The following PRKAG2 variants were observed in gnomAD, a reference collection of about 807,000 sequenced individuals.
The protein encoded by PRKAG2 is protein kinase AMP-activated non-catalytic subunit gamma 2, also known as 5'-AMP-activated protein kinase subunit gamma-2.
PRKAG2 carries 26 observed loss-of-function variants against 69.6 expected under a neutral mutation model. That is an observed-to-expected ratio of 0.37 (90% confidence interval 0.27 to 0.52). The LOEUF is 0.52. Among genes scored for constraint, PRKAG2 ranks in the 20% least tolerant of loss-of-function variants. The probability of loss-of-function intolerance (pLI) is 0.90; values close to 1 mark genes in which losing one functional copy is unlikely to be tolerated. For missense variants in PRKAG2, 557 were observed against 740.0 expected (o/e 0.75, Z 2.87); for synonymous variants, 293 against 285.0 (o/e 1.03, Z -0.28).
intron 1 of PRKAG2, among the ~76,000 whole-genome samples, chr7:151,845,167 C>T (rs769275668): frequency 6.6e-5 from 10 of 151,946 alleles, no homozygotes; most frequent in Non-Finnish European, 1.2e-4. Context: ...CTCCTGGCAG[C>T]GACAAAAATG....
At chr7:151,868,653 T>TGGTC (rs1412321624) in intron 1 of PRKAG2, among the ~76,000 whole-genome samples, 1 of 152,224 alleles carries the variant, frequency 6.6e-6, no homozygotes, top group Non-Finnish European at 1.5e-5. Flanking sequence ...TCACGTTCAT[T>TGGTC]GGTCCCATTT....
intron 6 of PRKAG2, among the ~76,000 whole-genome samples, chr7:151,589,937 A>G (rs1481099314): frequency 1.3e-5 from 2 of 152,120 alleles, no homozygotes; most frequent in Non-Finnish European, 2.9e-5. Flanking sequence ...CCTGTCTTTA[A>G]AAAAAAGAAG....
rs1406503999 is a variant in PRKAG2 at position 151,874,473 on chromosome 7, TG to T, written c.114+2033del. Among the ~76,000 whole-genome samples the T allele has an allele frequency of 2.7e-3, 53 of 19,334 alleles. 1 individual carries two copies. The highest frequency in any genetic ancestry group is 6.1e-3 in the Non-Finnish European group (35 of 5,706). The allele number at this position is 19,334 out of a possible 152,430, so 12.7% of individuals were successfully genotyped here. On this transcript the variant is annotated intron_variant, in intron 1 of 15. Transcript: ENST00000287878. ...TATATGATGTATATGTATATGTATA[TG>T]ATGTATATGTATATGATGTATATGT...
intron 5 of PRKAG2, among the ~76,000 whole-genome samples, chr7:151,598,046 A>G (rs939480068): frequency 6.6e-6 from 1 of 152,218 alleles, no homozygotes; most frequent in Non-Finnish European, 1.5e-5. Context: ...CAGCCAAGAC[A>G]TGGAATCCAC....
rs768561838 is a variant in PRKAG2 at position 151,699,771 on chromosome 7, G to A, written c.467-24134C>T. On this transcript the variant is annotated intron_variant, in intron 3 of 15. Transcript: ENST00000287878. This position sits in a 1 kb window ranked among gnomAD's most constrained non-coding sequence, Gnocchi z 4.5. ...TTTCATCAATCATTGAAAGCAGGAC[G>A]AGGAGGCTGGGACACAGCAAGGTGC... Among the ~76,000 whole-genome samples, 3 of 152,168 alleles carry A rather than the reference G, an allele frequency of 2.0e-5. No homozygotes were observed. The highest frequency in any genetic ancestry group is 2.9e-5 in the Non-Finnish European group (2 of 68,036).
At position 151,834,442 on chromosome 7, in the gene PRKAG2, G is replaced by A. The variant is rs542233080; in HGVS notation, c.114+42065C>T. On this transcript the variant is annotated intron_variant, in intron 1 of 15. Coordinates refer to ENST00000287878, the MANE Select transcript of PRKAG2 (RefSeq NM_016203.4). ...GGGGAGGTGCAGGGTTAGCTTCCTGGGAGCCTCTGGCCACGTTTTTGTCAA... is the reference window on the plus strand; with the variant it reads ...GGGGAGGTGCAGGGTTAGCTTCCTGAGAGCCTCTGGCCACGTTTTTGTCAA... Among the ~76,000 whole-genome samples the A allele has an allele frequency of 2.0e-5, 3 of 152,330 alleles. No homozygotes were observed. The East Asian group carries it at 5.8e-4, about 29-fold the overall frequency.
intron 3 of PRKAG2, among the ~76,000 whole-genome samples, chr7:151,685,649 GC>G (rs1834607017): frequency 6.6e-6 from 1 of 151,898 alleles, no homozygotes; most frequent in South Asian, 2.1e-4. Flanking sequence ...TGTGCCCTTG[GC>G]CCCAGCTACT....
At position 151,664,616 on chromosome 7, in the gene PRKAG2, T is replaced by C. The variant is rs563476992; in HGVS notation, c.684+10804A>G. Among the ~76,000 whole-genome samples, 6 of 152,358 alleles carry C rather than the reference T, an allele frequency of 3.9e-5. No homozygotes were observed. The South Asian group carries it at 1.2e-3, about 32-fold the overall frequency. ...GAAATTGGTGACAGTTTTATCATGA[T>C]GGTTTCTTAGACAAGAAATACACAT... On this transcript the variant is annotated intron_variant, in intron 4 of 15. Transcript: ENST00000287878.
At chr7:151,651,480 G>T (rs997109904) in intron 4 of PRKAG2, among the ~76,000 whole-genome samples, 1 of 152,162 alleles carries the variant, frequency 6.6e-6, no homozygotes, top group African/African-American at 2.4e-5. Flanking sequence ...GGTGGCGAGT[G>T]CCTGTAATCC....
intron 6 of PRKAG2, among the ~76,000 whole-genome samples, chr7:151,594,351 C>T (rs1215710710): frequency 2.0e-5 from 3 of 152,230 alleles, no homozygotes; most frequent in Non-Finnish European, 4.4e-5. Flanking sequence ...AGAAACAATA[C>T]ACTAAATGTA....
intron 1 of PRKAG2, among the ~76,000 whole-genome samples, chr7:151,826,182 T>TG (rs371814993): frequency 2.2e-4 from 34 of 151,302 alleles, no homozygotes; most frequent in African/African-American, 8.0e-4. Flanking sequence ...CACTTTTTTT[T>TG]TTGTTGTTGT....
intron 1 of PRKAG2, among the ~76,000 whole-genome samples, chr7:151,870,713 G>A (rs1274611787): frequency 6.6e-6 from 1 of 152,226 alleles, no homozygotes; most frequent in Non-Finnish European, 1.5e-5. Context: ...AGGCTATGGG[G>A]CAGGAGCTGG....
intron 1 of PRKAG2, among the ~76,000 whole-genome samples, chr7:151,874,015 T>G (rs1454033446): frequency 7.0e-6 from 1 of 143,186 alleles, no homozygotes; most frequent in African/African-American, 2.7e-5. Context: ...TGTATAAGTA[T>G]ATGTATATGA....
At chr7:151,758,805 TA>T (rs2075250840) in intron 3 of PRKAG2, among the ~76,000 whole-genome samples, 1 of 152,200 alleles carries the variant, frequency 6.6e-6, no homozygotes, top group Admixed American at 6.5e-5. Context: ...CAAAGAGACT[TA>T]AAATAACAGC....
At chr7:151,641,867 G>GA (rs755525113) in intron 4 of PRKAG2, among the ~76,000 whole-genome samples, 3 of 151,588 alleles carry the variant, frequency 2.0e-5, no homozygotes, top group Non-Finnish European at 4.4e-5. Context: ...GTAGAAATTT[G>GA]AAAAAAATCT....
intron 15 of PRKAG2, chr7:151,559,746 T>C: frequency 1.0e-6 from 1 of 985,414 alleles, no homozygotes; most frequent in Non-Finnish European, 1.2e-6. Context: ...TTCTGAGAGT[T>C]CAAAGGGCAT....
At chr7:151,706,723 C>T (rs12534878) in intron 3 of PRKAG2, among the ~76,000 whole-genome samples, 50,449 of 152,200 alleles carry the variant, frequency 0.33, 8,830 homozygotes, top group African/African-American at 0.43. Context: ...CCAGACTAGG[C>T]GTTAGCTGTG....
intron 1 of PRKAG2, among the ~76,000 whole-genome samples, chr7:151,786,754 G>A (rs2077031612): frequency 6.6e-6 from 1 of 152,188 alleles, no homozygotes; most frequent in Non-Finnish European, 1.5e-5. Flanking sequence ...AAACTTCCAG[G>A]AGCAGCCATG....
At chr7:151,844,112 C>T (rs1458987732) in intron 1 of PRKAG2, among the ~76,000 whole-genome samples, 5 of 152,226 alleles carry the variant, frequency 3.3e-5, no homozygotes, top group African/African-American at 9.6e-5. Context: ...CCAGGCCTTT[C>T]CCAGGGGTTG....
Sources: allele counts gnomAD v4.1 joint callset (sites outside exome capture counted in the v4.1 genomes callset), GRCh38; gene constraint gnomAD v4.1.1; non-coding constraint Gnocchi (gnomAD v3.1); transcripts MANE v1.5; gene names NCBI Gene and HGNC (gene_info 2026-07-23, HGNC 2026-07-21).